Variants in LIPF observed in about 807,000 individuals in gnomAD.
The protein encoded by LIPF is gastric triacylglycerol lipase.
A neutral mutation model predicts 38.0 loss-of-function variants in LIPF; 25 were observed. The observed-to-expected ratio is 0.66, with a 90% CI of 0.48 to 0.92. The LOEUF (loss-of-function observed/expected upper bound fraction) is 0.92. LIPF is among the 40% of genes least tolerant of loss of function. LIPF has a pLI of 0.00. For missense variants in LIPF, 410 were observed against 469.9 expected (o/e 0.87, Z 1.18); for synonymous variants, 161 against 156.2 (o/e 1.03, Z -0.23).
At chr10:88,668,457 A>C (rs1841546632) in intron 3 of LIPF, 101 bp from the exon 4 acceptor site, 11 of 963,738 alleles carry the variant, frequency 1.1e-5, no homozygotes, top group Non-Finnish European at 1.6e-5. Context: ...CAATCAGGCA[A>C]ATGTATTTAG....
At chr10:88,671,713 T>A in intron 5 of LIPF, 116 bp from the exon 6 acceptor site, 1 of 1,364,476 alleles carries the variant, frequency 7.3e-7, no homozygotes, top group Non-Finnish European at 9.8e-7. Flanking sequence ...TTTCTCAGGC[T>A]GTCTCAAACA....
intron 7 of LIPF, 95 bp from the exon 8 acceptor site, chr10:88,675,491 T>C: frequency 1.1e-6 from 1 of 928,676 alleles, no homozygotes; most frequent in Non-Finnish European, 1.7e-6. Flanking sequence ...CTTTAAACAC[T>C]TGACCTGAAT....
Position 88,669,965 on chromosome 10 carries a change from G to A in LIPF, c.532+19G>A, listed in dbSNP as rs765385562. 4.0e-6 allele frequency: 6 copies of A among 1,514,182 alleles called. No individual in the cohort carries two copies. The highest frequency in any genetic ancestry group is 1.1e-5 in the South Asian group (1 of 87,304). 93.8% of individuals were successfully genotyped at this position (1,514,182 alleles called of 1,614,324 possible). A position where few individuals can be genotyped will look rare whatever the true frequency, so the allele number is the denominator to read the frequency against. On this transcript the variant is annotated intron_variant, in intron 5 of 9. Coordinates refer to ENST00000238983, the MANE Select transcript of LIPF (RefSeq NM_004190.4). ...ACCATTGGTAAGTAATGGCAGTCAA[G>A]GCCAAGTGGTTTACTTCTCATAAAC... is the stretch of plus-strand genomic sequence containing the variant.
intron 9 of LIPF, among the ~76,000 whole-genome samples, chr10:88,676,732 C>T (rs903506412): frequency 6.6e-6 from 1 of 152,230 alleles, no homozygotes; most frequent in African/African-American, 2.4e-5. Context: ...AAAAAGATGC[C>T]GTGCTTGCAG....
chr10:88,669,606 T>C, intron 4 of LIPF: 1 of 361,832 alleles, frequency 2.8e-6, no homozygotes, highest in East Asian at 4.8e-5. Flanking sequence ...CTACAGATAC[T>C]ATCTTGTTTG....
In LIPF at chr10:88,678,598, C is replaced by G. The variant is rs760880290; in HGVS notation, c.1114C>G (p.His372Asp). ...IYHKEIPFYN[H>D]LDFIWAMDAP... Reference sequence around the variant, plus strand: ...CCACAAGGAGATTCCTTTTTACAATCACTTGGACTTTATCTGGGCAATGGA... The same window carrying G: ...CCACAAGGAGATTCCTTTTTACAATGACTTGGACTTTATCTGGGCAATGGA... The change falls in exon 10 of 10, where the codon CAC (histidine) becomes GAC (aspartate). Residue 372 changes from histidine to aspartate, a missense_variant. His to Asp is a moderately conservative substitution (Grantham distance 81). Transcript: ENST00000238983. 3.1e-6 allele frequency: 5 copies of G among 1,613,824 alleles called. No homozygotes were observed. The African/African-American group carries it at 6.7e-5, about 22-fold the overall frequency.
rs780152692 is a variant in LIPF, at chr10:88,676,202, A to G, written c.889-7A>G. The G allele has an allele frequency of 1.3e-6, 2 of 1,569,662 alleles. No homozygotes were observed. Among genetic ancestry groups the G allele is most frequent in the Non-Finnish European group, 1.7e-6 (2 of 1,143,586 alleles). On this transcript the variant is annotated splice_region_variant and splice_polypyrimidine_tract_variant and intron_variant, in intron 8 of 9. Coordinates refer to ENST00000238983, the MANE Select transcript of LIPF (RefSeq NM_004190.4). The stretch of plus-strand genomic sequence containing the variant: ...TTATTTGTTTGCTTTTAATTTCTCT[A>G]TGTTAGGCTGTTAAGTCTGGGAAAT...
Position 88,676,314 on chromosome 10 carries a change from T to C in LIPF, c.960+34T>C, listed in dbSNP as rs758898362. 3.2e-6 allele frequency: 4 copies of C among 1,236,384 alleles called. No individual in the cohort carries two copies. In the South Asian group the frequency reaches 3.9e-5, roughly 12 times the overall value. 76.6% of individuals were successfully genotyped at this position (1,236,384 alleles called of 1,614,324 possible). Reference sequence around the variant, plus strand: ...CTTAAAGATGGAATTATTCACATTTTGAACAACAATACTAACTATTTAAAT... The same window carrying C: ...CTTAAAGATGGAATTATTCACATTTCGAACAACAATACTAACTATTTAAAT... On this transcript the variant is annotated intron_variant, in intron 9 of 9. Transcript: ENST00000238983.
In LIPF at chr10:88,668,613, G is replaced by T. The variant is rs1231859304; in HGVS notation, c.279G>T (p.Trp93Cys). The change falls in exon 4 of 10, where the codon TGG becomes TGT. Residue 93 changes from tryptophan (W) to cysteine (C), a missense_variant. Transcript: ENST00000238983. ...QHGLLASATN[W>C]ISNLPNNSLA... Reference sequence around the variant, plus strand: ...GTTTGCTTGCATCAGCCACAAACTGGATTTCCAACCTGCCGAACAACAGCC... The same window carrying T: ...GTTTGCTTGCATCAGCCACAAACTGTATTTCCAACCTGCCGAACAACAGCC... The T allele has an allele frequency of 6.2e-7, 1 of 1,614,150 alleles. No individual in the cohort carries two copies. Among genetic ancestry groups the T allele is most frequent in the East Asian group, 2.2e-5 (1 of 44,884 alleles).
chr10:88,676,472 C>T (rs1841688162), intron 9 of LIPF, among the ~76,000 whole-genome samples, 192 bp downstream of exon 9: 2 of 152,172 alleles, frequency 1.3e-5, no homozygotes, highest in African/African-American at 2.4e-5. Flanking sequence ...TACAAAGCTG[C>T]CCTCAAAGTA....
rs534482964 is a variant in LIPF at position 88,665,514 on chromosome 10, C to T, written c.-12+1023C>T. 1,414 of 1,532,170 alleles carry T rather than the reference C, an allele frequency of 9.2e-4. 1 individual carries two copies. The highest frequency in any genetic ancestry group is 1.1e-3 in the Non-Finnish European group (1,294 of 1,143,394). The allele number at this position is 1,532,170 out of a possible 1,614,324, so 94.9% of individuals were successfully genotyped here. On this transcript the variant is annotated intron_variant, in intron 1 of 9. Transcript: ENST00000238983. ...CAAGCATTTTGAGAAATTTATTCTG[C>T]CCTTGAACATCTTTGAGCCCATTGA...
At chr10:88,673,794 C>A (rs1841642410) in intron 7 of LIPF, 60 bp downstream of exon 7, 3 of 1,416,138 alleles carry the variant, frequency 2.1e-6, no homozygotes, top group Admixed American at 1.7e-5. Context: ...TGTTTCATTG[C>A]CACTTAGAAG....
chr10:88,672,625 A>AACACACACACACAC (rs71471111), intron 6 of LIPF, among the ~76,000 whole-genome samples: 12 of 130,864 alleles, frequency 9.2e-5, no homozygotes, highest in East Asian at 4.4e-4. Context: ...CAGTAAAACC[A>AACACACACACACAC]ACACACACAC....
chr10:88,665,709 G>A (rs1039284232), intron 1 of LIPF: 104 of 577,608 alleles, frequency 1.8e-4, no homozygotes, highest in Non-Finnish European at 2.8e-4. Context: ...AAAATATCAC[G>A]GTAAAAACAA....
In LIPF at chr10:88,678,655, T is replaced by C. The variant is rs746505372; in HGVS notation, c.1171T>C (p.Ser391Pro). The C allele has an allele frequency of 1.4e-5, 23 of 1,608,842 alleles. No individual in the cohort carries two copies. The highest frequency in any genetic ancestry group is 1.9e-5 in the Non-Finnish European group (22 of 1,175,294). Residue 391 changes from serine (S) to proline (P), a missense_variant, in exon 10 of 10, where the codon TCT becomes CCT. Transcript: ENST00000238983. ...APQEVYNDIV[S>P]MISEDKK ...TCAAGAAGTTTACAATGACATTGTT[T>C]CTATGATATCAGAAGATAAAAAGTA...
At chr10:88,673,563 C>T (rs770481929) in intron 6 of LIPF, 25 bp from the exon 7 acceptor site, 15 of 1,587,946 alleles carry the variant, frequency 9.4e-6, no homozygotes, top group Non-Finnish European at 1.2e-5. Flanking sequence ...TGCTACAACC[C>T]TCTAATAGTG....
chr10:88,675,269 A>C (rs1841668083), intron 7 of LIPF, among the ~76,000 whole-genome samples: 1 of 152,186 alleles, frequency 6.6e-6, no homozygotes, highest in Non-Finnish European at 1.5e-5. Context: ...AGACTCAGAG[A>C]CCCAAATTAA....
At chr10:88,665,568 A>T (rs1440621180) in intron 1 of LIPF, 1 of 1,533,450 alleles carries the variant, frequency 6.5e-7, no homozygotes, top group Admixed American at 2.0e-5. Flanking sequence ...CAGTAGGTTA[A>T]GTGTCCTCAC....
chr10:88,673,685 G>A lies in LIPF; in HGVS notation c.767G>A (p.Ser256Asn), dbSNP rs758139413. 7 of 1,613,086 alleles carry A rather than the reference G, an allele frequency of 4.3e-6. No individual in the cohort carries two copies. The Admixed American group carries it at 1.0e-4, about 23-fold the overall frequency. ...CGTGAGATGCTGAATCTCCTTTGCA[G>A]CAATGCCTTATTTATAATTTGTGGA... ...CSREMLNLLC[S>N]NALFIICGFD... The change falls in exon 7 of 10, where the codon AGC becomes AAC. Residue 256 changes from serine (S) to asparagine (N), a missense_variant. Coordinates refer to ENST00000238983, the MANE Select transcript of LIPF (RefSeq NM_004190.4).
Sources: allele counts gnomAD v4.1 joint callset (sites outside exome capture counted in the v4.1 genomes callset), GRCh38; gene constraint gnomAD v4.1.1; transcripts MANE v1.5; gene names NCBI Gene and HGNC (gene_info 2026-07-23, HGNC 2026-07-21).